CD302: variants seen among roughly 807,000 people sequenced by gnomAD.
CD302 encodes the protein CD302 antigen.
CD302 carries 23 observed loss-of-function variants against 26.5 expected under a neutral mutation model. That is an observed-to-expected ratio of 0.87 (90% CI 0.62 to 1.23). CD302 has a LOEUF of 1.23. Among genes scored for constraint, CD302 ranks in the 50% most tolerant of loss-of-function variants. The pLI, the probability that CD302 is intolerant of heterozygous loss-of-function variation, is 0.00. For synonymous variants in CD302, 90 were observed against 99.4 expected (o/e 0.91, Z 0.56); for missense variants, 290 against 275.5 (o/e 1.05, Z -0.37).
intron 1 of CD302, among the ~76,000 whole-genome samples, chr2:159,796,090 C>T (rs1475153150): frequency 1.3e-5 from 2 of 152,206 alleles, no homozygotes; most frequent in Non-Finnish European, 2.9e-5. Context: ...CACTAATAAC[C>T]TCCAGAATGA....
At chr2:159,782,564 C>G (rs953725665) in intron 2 of CD302, among the ~76,000 whole-genome samples, 1 of 151,708 alleles carries the variant, frequency 6.6e-6, no homozygotes, top group African/African-American at 2.4e-5. Context: ...GAAACCCTGT[C>G]TCTACAAACA....
intron 1 of CD302, among the ~76,000 whole-genome samples, chr2:159,789,252 T>A (rs763573943): frequency 5.9e-5 from 9 of 152,072 alleles, no homozygotes; most frequent in African/African-American, 1.2e-4. Context: ...TCCTCCTACC[T>A]TGGCCTCCCA....
chr2:159,775,493 G>A (rs1408298610), intron 5 of CD302, among the ~76,000 whole-genome samples: 5 of 152,212 alleles, frequency 3.3e-5, no homozygotes, highest in Admixed American at 1.3e-4. Flanking sequence ...TAGAAGATAC[G>A]TAGTGAAAAT....
At chr2:159,786,013 A>G (rs766914577) in intron 1 of CD302, among the ~76,000 whole-genome samples, 1 of 152,238 alleles carries the variant, frequency 6.6e-6, no homozygotes, top group African/African-American at 2.4e-5. Context: ...ATATCAGGTA[A>G]GATACTGCAA....
chr2:159,777,698 A>G (rs528896061), intron 5 of CD302, among the ~76,000 whole-genome samples: 1 of 152,352 alleles, frequency 6.6e-6, no homozygotes, highest in African/African-American at 2.4e-5. Flanking sequence ...GTGAATGTGC[A>G]CAACACAGAT....
rs947498044 is a variant in CD302, at chr2:159,768,776, T to C, written c.*3075A>G. ...AAATTTAAGGGTGGTAGTTTTAATA[T>C]ATTCTGTGGGTCCTAAGGGATGCTT... On this transcript the variant is annotated 3_prime_UTR_variant, in exon 6 of 6. Coordinates refer to ENST00000259053, the MANE Select transcript of CD302 (RefSeq NM_014880.5). 1.3e-5 allele frequency: 2 copies of C among 152,248 alleles called. No individual in the cohort carries two copies. Among genetic ancestry groups the C allele is most frequent in the African/African-American group, 4.8e-5 (2 of 41,456 alleles). 9.4% of individuals were successfully genotyped at this position (152,248 alleles called of 1,614,324 possible). A position where few individuals can be genotyped will look rare whatever the true frequency, so the allele number is the denominator to read the frequency against.
In CD302 at chr2:159,771,861, T is replaced by G. The variant is rs1574481950; in HGVS notation, c.689A>C (p.Gln230Pro). Residue 230 changes from glutamine to proline, a missense_variant, in exon 6 of 6, where the codon CAA becomes CCA. Gln to Pro is a moderately conservative substitution (Grantham distance 76, BLOSUM62 -1). Transcript: ENST00000259053. ...AAGATTACCAAAAACTTAGTCAAAT[T>G]GAACAGGATATTCATTTTCTTCTCC... ...VVGEENEYPV[Q>P]FD The G allele has an allele frequency of 6.2e-7, 1 of 1,613,742 alleles. No individual in the cohort carries two copies. Among genetic ancestry groups the G allele is most frequent in the Non-Finnish European group, 8.5e-7 (1 of 1,179,694 alleles).
At chr2:159,788,295 A>G (rs1309456323) in intron 1 of CD302, among the ~76,000 whole-genome samples, 2 of 152,138 alleles carry the variant, frequency 1.3e-5, no homozygotes, top group Non-Finnish European at 2.9e-5. Flanking sequence ...TTATAATACC[A>G]TTATTTTTAC....
At position 159,771,013 on chromosome 2, in the gene CD302, CTT is replaced by C. The variant is rs1427882673; in HGVS notation, c.*836_*837del. Reference sequence around the variant, plus strand: ...AAATGTACAATAAATGCACTGAAAACTTTGATCACTGTCACTACAGTTGTACT... The same window carrying C: ...AAATGTACAATAAATGCACTGAAAACTGATCACTGTCACTACAGTTGTACT... On this transcript the variant is annotated 3_prime_UTR_variant, in exon 6 of 6. Transcript: ENST00000259053. 1 of 152,100 alleles carries C rather than the reference CTT, an allele frequency of 6.6e-6. No homozygotes were observed. Among genetic ancestry groups the C allele is most frequent in the Non-Finnish European group, 1.5e-5 (1 of 67,988 alleles). 9.4% of individuals were successfully genotyped at this position (152,100 alleles called of 1,614,324 possible). A position where few individuals can be genotyped will look rare whatever the true frequency, so the allele number is the denominator to read the frequency against.
intron 1 of CD302, among the ~76,000 whole-genome samples, chr2:159,796,496 C>A (rs1341610520): frequency 6.6e-6 from 1 of 152,180 alleles, no homozygotes; most frequent in Non-Finnish European, 1.5e-5. Context: ...ACTTAATGCT[C>A]CCAATAGCCC....
rs1202619074 is a variant in CD302 at position 159,769,806 on chromosome 2, G to A, written c.*2045C>T. ...CAAAAGAAAGTTGTATGGGAGTTGA[G>A]TGGAAGGTAGGATTTAAGAGCAGCA... On this transcript the variant is annotated 3_prime_UTR_variant, in exon 6 of 6. Transcript: ENST00000259053. The A allele has an allele frequency of 6.6e-6, 1 of 152,222 alleles. No individual in the cohort carries two copies. The highest frequency in any genetic ancestry group is 1.5e-5 in the Non-Finnish European group (1 of 68,036). The allele number at this position is 152,222 out of a possible 1,614,324, so 9.4% of individuals were successfully genotyped here.
Position 159,770,517 on chromosome 2 carries a change from C to CTA in CD302, c.*1332_*1333dup, listed in dbSNP as rs751384571. The CTA allele has an allele frequency of 1.6e-4, 24 of 152,150 alleles. No homozygotes were observed. The highest frequency in any genetic ancestry group is 3.5e-4 in the Non-Finnish European group (24 of 68,022). 9.4% of individuals were successfully genotyped at this position (152,150 alleles called of 1,614,324 possible). ...CAAGCTAGTGAGATAGTATATCTAT[C>CTA]TATCTCCCCAGAAGAAAGTAAGATA... On this transcript the variant is annotated 3_prime_UTR_variant, in exon 6 of 6. Transcript: ENST00000259053.
intron 5 of CD302, among the ~76,000 whole-genome samples, chr2:159,774,347 A>G (rs745481821): frequency 3.3e-5 from 5 of 152,200 alleles, no homozygotes; most frequent in African/African-American, 9.7e-5. Flanking sequence ...CTTCCTCTCT[A>G]TAAATTGTGA....
At chr2:159,783,625 C>T (rs999484252) in intron 1 of CD302, among the ~76,000 whole-genome samples, 156 bp from the exon 2 acceptor site, 5 of 152,152 alleles carry the variant, frequency 3.3e-5, no homozygotes, top group African/African-American at 4.8e-5. Context: ...ACCAGTGTAA[C>T]AGGAATTTGT....
chr2:159,772,121 A>G, intron 5 of CD302, 68 bp from the exon 6 acceptor site: 1 of 1,517,824 alleles, frequency 6.6e-7, no homozygotes, highest in Non-Finnish European at 9.0e-7. Flanking sequence ...TATTTTGATG[A>G]GCACAACTGT....
At chr2:159,784,564 C>T (rs1217708885) in intron 1 of CD302, among the ~76,000 whole-genome samples, 2 of 151,914 alleles carry the variant, frequency 1.3e-5, no homozygotes, top group Non-Finnish European at 2.9e-5. Context: ...CCACGTTGCC[C>T]AGGCTGGTCT....
chr2:159,794,305 T>TAAAATAAAATAAAATAAAATAATA (rs1553795853), intron 1 of CD302, among the ~76,000 whole-genome samples: 12 of 108,410 alleles, frequency 1.1e-4, no homozygotes, highest in African/African-American at 3.5e-4. Flanking sequence ...AATAAAATAA[T>TAAAATAAAATAAAATAAAATAATA]AAAAAAAAAA....
chr2:159,783,138 C>G (rs1028099738), intron 2 of CD302, among the ~76,000 whole-genome samples: 2 of 152,098 alleles, frequency 1.3e-5, no homozygotes, highest in Admixed American at 1.3e-4. Flanking sequence ...TTAAATAGAC[C>G]CTGCTTTGGA....
intron 1 of CD302, among the ~76,000 whole-genome samples, chr2:159,795,194 G>GT (rs1708919252): frequency 6.6e-6 from 1 of 151,058 alleles, no homozygotes; most frequent in African/African-American, 2.4e-5. Context: ...CCGCACTCCA[G>GT]CCTGGGTGAC....
Sources: gnomAD v4.1 joint callset for allele counts (sites outside exome capture counted in the v4.1 genomes callset) on GRCh38, gnomAD v4.1.1 for gene constraint, MANE v1.5 for transcripts, NCBI Gene and HGNC (gene_info 2026-07-23, HGNC 2026-07-21) for gene names.